Variants in ACTR3C observed in about 807,000 individuals in gnomAD.
The protein encoded by ACTR3C is actin-related protein 3C.
Under a neutral mutation model 26.3 loss-of-function variants are expected in ACTR3C, and 18 were observed. The observed-to-expected ratio is 0.68, with a 90% CI of 0.47 to 1.01. The LOEUF is 1.01. Among genes scored for constraint, ACTR3C ranks in the 50% least tolerant of loss-of-function variants. The probability of loss-of-function intolerance (pLI) is 0.00; values close to 1 mark genes in which losing one functional copy is unlikely to be tolerated. For missense variants in ACTR3C, 184 were observed against 250.7 expected, an observed-to-expected ratio of 0.73 and a Z score of 1.80; for synonymous variants, 55 against 94.5, an observed-to-expected ratio of 0.58 and a Z score of 2.42.
chr7:150,036,046 G>T, the ACTR3C span, among the ~76,000 whole-genome samples: 1 of 128,002 alleles, frequency 7.8e-6, no homozygotes, highest in Admixed American at 7.3e-5. Flanking sequence ...GTGGGAAGAG[G>T]GGCTCGCTCT....
At chr7:150,290,629 G>A (rs1293738066) in intron 3 of ACTR3C, among the ~76,000 whole-genome samples, 1 of 152,172 alleles carries the variant, frequency 6.6e-6, no homozygotes, top group African/African-American at 2.4e-5. Flanking sequence ...CACCAGTAAA[G>A]TTGCAAGAAC....
chr7:150,241,645 T>C (rs1832180154), downstream of ACTR3C, among the ~76,000 whole-genome samples: 1 of 152,040 alleles, frequency 6.6e-6, no homozygotes, highest in African/African-American at 2.4e-5. Context: ...AAATTGAACT[T>C]CATCAAACTT....
the ACTR3C span, among the ~76,000 whole-genome samples, chr7:150,033,028 C>T: frequency 3.3e-5 from 5 of 152,138 alleles, no homozygotes; most frequent in South Asian, 4.2e-4. Flanking sequence ...GATGGCAGGA[C>T]GGGCCAGTGC....
At chr7:150,228,272 G>T in the ACTR3C span, among the ~76,000 whole-genome samples, 1 of 152,096 alleles carries the variant, frequency 6.6e-6, no homozygotes, top group Non-Finnish European at 1.5e-5. Context: ...GCCGTAAGTG[G>T]TGTTATGTTA....
chr7:150,082,598 G>A, the ACTR3C span, among the ~76,000 whole-genome samples: 1 of 152,266 alleles, frequency 6.6e-6, no homozygotes, highest in East Asian at 1.9e-4. Context: ...ATAACCCTGA[G>A]TGCCCAGCTG....
chr7:150,100,485 A>G, the ACTR3C span, among the ~76,000 whole-genome samples: 1 of 151,662 alleles, frequency 6.6e-6, no homozygotes, highest in African/African-American at 2.4e-5. Context: ...CTGCGAAAGA[A>G]TATTTAGTTT....
intron 7 of ACTR3C, chr7:150,248,362 T>C (rs888954729): frequency 6.6e-6 from 1 of 150,804 alleles, no homozygotes; most frequent in African/African-American, 2.5e-5. Flanking sequence ...AAGCTGGCTA[T>C]TAAAAAAAAA....
chr7:150,203,473 A>G, the ACTR3C span, among the ~76,000 whole-genome samples: 1 of 152,224 alleles, frequency 6.6e-6, no homozygotes, highest in Admixed American at 6.5e-5. Flanking sequence ...TTTTAAAATC[A>G]CATAAACCAA....
intron 6 of ACTR3C, among the ~76,000 whole-genome samples, chr7:150,266,209 A>G (rs28450288): frequency 0.17 from 22,558 of 133,348 alleles, 3,801 homozygotes; most frequent in African/African-American, 0.44. Flanking sequence ...ATGATCTTGA[A>G]TTTCCTTCAA....
the ACTR3C span, among the ~76,000 whole-genome samples, chr7:149,940,177 G>A: frequency 6.6e-6 from 1 of 152,100 alleles, no homozygotes. Flanking sequence ...TAAATTCAAG[G>A]TCTAAATCTG....
At chr7:149,937,260 C>T in the ACTR3C span, among the ~76,000 whole-genome samples, 1 of 139,410 alleles carries the variant, frequency 7.2e-6, no homozygotes, top group African/African-American at 2.7e-5. Flanking sequence ...GGCTCCCTGA[C>T]ATCTTTGTGC....
chr7:150,132,099 G>A, the ACTR3C span, among the ~76,000 whole-genome samples: 3 of 152,222 alleles, frequency 2.0e-5, no homozygotes, highest in East Asian at 3.8e-4. Context: ...GAGTGTCCTA[G>A]TGGGCTTAGC....
At chr7:150,253,910 GT>G (rs199570332) in intron 6 of ACTR3C, among the ~76,000 whole-genome samples, 16,964 of 145,126 alleles carry the variant, frequency 0.12, 1,611 homozygotes, top group African/African-American at 0.26. Context: ...TTTTTTTCGT[GT>G]TTTTTTTTTT....
the ACTR3C span, among the ~76,000 whole-genome samples, chr7:150,006,213 T>TATTTATTTATTTA: frequency 3.3e-5 from 5 of 151,712 alleles, no homozygotes; most frequent in Admixed American, 6.6e-5. Context: ...TTTATTTATT[T>TATTTATTTATTTA]TGAGAAGGAG....
the ACTR3C span, among the ~76,000 whole-genome samples, chr7:150,189,022 C>A: frequency 6.6e-6 from 1 of 151,142 alleles, no homozygotes. Flanking sequence ...CACACGGATA[C>A]CACCAAGCTC....
At chr7:149,890,440 C>T in the ACTR3C span, among the ~76,000 whole-genome samples, 1 of 149,184 alleles carries the variant, frequency 6.7e-6, no homozygotes, top group East Asian at 1.9e-4. Context: ...GCCCATAACT[C>T]AGTTCAGTTT....
chr7:150,063,917 A>G, the ACTR3C span, among the ~76,000 whole-genome samples: 1 of 152,078 alleles, frequency 6.6e-6, no homozygotes, highest in East Asian at 1.9e-4. Context: ...TTGTTTTTCC[A>G]TGGACACTGA....
At chr7:150,054,522 C>A in the ACTR3C span, among the ~76,000 whole-genome samples, 76 of 152,352 alleles carry the variant, frequency 5.0e-4, no homozygotes, top group Non-Finnish European at 6.6e-4. Context: ...GGCCCCAGAA[C>A]AAACACACTT....
chr7:149,895,800 G>A, the ACTR3C span, among the ~76,000 whole-genome samples: 26 of 152,316 alleles, frequency 1.7e-4, no homozygotes, highest in African/African-American at 6.3e-4. Context: ...TCCAGCCTGA[G>A]CAACAGAGTG....
Sources: gnomAD v4.1 joint callset for allele counts (sites outside exome capture counted in the v4.1 genomes callset) on GRCh38, gnomAD v4.1.1 for gene constraint, MANE v1.5 for transcripts, NCBI Gene and HGNC (gene_info 2026-07-23, HGNC 2026-07-21) for gene names.